Variants in SCHIP1 observed in about 807,000 individuals in gnomAD.
SCHIP1 encodes schwannomin-interacting protein 1.
A neutral mutation model predicts 29.7 loss-of-function variants in SCHIP1; 8 were observed. That is an observed-to-expected ratio of 0.27 (90% CI 0.16 to 0.49). The LOEUF (loss-of-function observed/expected upper bound fraction) is 0.49. Ranked by LOEUF, SCHIP1 falls within the 20% of genes least tolerant of loss-of-function variation. The pLI, the probability that SCHIP1 is intolerant of heterozygous loss-of-function variation, is 0.99. For synonymous variants in SCHIP1, 76 were observed against 94.9 expected (o/e 0.80, Z 1.16); for missense variants, 193 against 294.6 (o/e 0.66, Z 2.52).
the SCHIP1 span, among the ~76,000 whole-genome samples, chr3:159,300,526 C>T: frequency 0.021 from 3,127 of 152,254 alleles, 99 homozygotes; most frequent in African/African-American, 0.071. Flanking sequence ...TTCTGCTCCT[C>T]TCCTGCACCC....
the SCHIP1 span, chr3:159,273,995 C>T: frequency 6.6e-7 from 1 of 1,505,440 alleles, no homozygotes; most frequent in Non-Finnish European, 8.9e-7. Context: ...TGATGGCCTT[C>T]ATTACATTTT....
the SCHIP1 span, among the ~76,000 whole-genome samples, chr3:159,803,280 A>G: frequency 6.6e-6 from 1 of 152,178 alleles, no homozygotes; most frequent in South Asian, 2.1e-4. Context: ...CCATAGAAAG[A>G]ATCAATGAAA....
At chr3:159,320,758 G>T in the SCHIP1 span, among the ~76,000 whole-genome samples, 1 of 151,648 alleles carries the variant, frequency 6.6e-6, no homozygotes, top group Non-Finnish European at 1.5e-5. Flanking sequence ...AAACAAGTGT[G>T]CACCACGCAG....
At chr3:159,537,804 G>T in the SCHIP1 span, among the ~76,000 whole-genome samples, 1 of 152,104 alleles carries the variant, frequency 6.6e-6, no homozygotes, top group Non-Finnish European at 1.5e-5. Context: ...TTTTCAAGGG[G>T]CTTGGAAGAA....
At chr3:159,351,027 C>T in the SCHIP1 span, among the ~76,000 whole-genome samples, 1 of 152,054 alleles carries the variant, frequency 6.6e-6, no homozygotes, top group Non-Finnish European at 1.5e-5. Context: ...TATATCTGCA[C>T]AGTATTTTGA....
chr3:159,343,096 T>G, the SCHIP1 span, among the ~76,000 whole-genome samples: 1 of 152,190 alleles, frequency 6.6e-6, no homozygotes, highest in Non-Finnish European at 1.5e-5. Flanking sequence ...ACCCTCATAA[T>G]ACGCTATGAA....
At chr3:159,576,177 GA>G in the SCHIP1 span, among the ~76,000 whole-genome samples, 1 of 152,112 alleles carries the variant, frequency 6.6e-6, no homozygotes. Flanking sequence ...ATCCTGATTT[GA>G]TTACACATCA....
chr3:159,839,379 A>C (rs978874328), upstream of SCHIP1, among the ~76,000 whole-genome samples: 4 of 152,066 alleles, frequency 2.6e-5, no homozygotes, highest in Non-Finnish European at 5.9e-5. Context: ...CTCCCTAAAA[A>C]AACTTATAAC....
the SCHIP1 span, among the ~76,000 whole-genome samples, chr3:159,797,973 G>A: frequency 6.6e-6 from 1 of 152,202 alleles, no homozygotes; most frequent in South Asian, 2.1e-4. Context: ...GCTTCCTTAT[G>A]CCAGCTAAAA....
chr3:159,706,895 C>A, the SCHIP1 span, among the ~76,000 whole-genome samples: 3 of 152,172 alleles, frequency 2.0e-5, no homozygotes, highest in African/African-American at 4.8e-5. Flanking sequence ...ACAAAGGATT[C>A]ATTTTATCAG....
the SCHIP1 span, among the ~76,000 whole-genome samples, chr3:159,743,540 G>A: frequency 2.0e-5 from 3 of 152,302 alleles, no homozygotes; most frequent in South Asian, 6.2e-4. Context: ...TACAGAGTTA[G>A]AGAACAGATT....
chr3:159,704,916 CTTTCTTTCTTTCTTTCTTTCTTTCCTTT>C, the SCHIP1 span, among the ~76,000 whole-genome samples: 27 of 94,938 alleles, frequency 2.8e-4, no homozygotes, highest in Admixed American at 1.1e-3. Flanking sequence ...TTATTTCTTT[CTTTCTTTCTTTCTTTCTTTCTTTCCTTT>C]CTTTCTTTCT....
the SCHIP1 span, among the ~76,000 whole-genome samples, chr3:159,533,613 C>G: frequency 6.1e-3 from 922 of 152,200 alleles, 12 homozygotes; most frequent in African/African-American, 0.021. Context: ...CAAGCCATCT[C>G]ACTGCTCTGT....
At chr3:159,554,981 A>G in the SCHIP1 span, among the ~76,000 whole-genome samples, 4 of 152,132 alleles carry the variant, frequency 2.6e-5, no homozygotes, top group East Asian at 7.7e-4. Context: ...ACATGGATAC[A>G]TTGTCTAATG....
chr3:159,540,463 C>A, the SCHIP1 span, among the ~76,000 whole-genome samples: 1 of 151,878 alleles, frequency 6.6e-6, no homozygotes, highest in African/African-American at 2.4e-5. Context: ...TATTTTTAAC[C>A]CCATATGAAT....
chr3:159,864,019 C>A (rs1714341968), intron 1 of SCHIP1, among the ~76,000 whole-genome samples: 1 of 152,106 alleles, frequency 6.6e-6, no homozygotes, highest in Non-Finnish European at 1.5e-5. Context: ...ATGTTGCTAT[C>A]TACTGATTTT....
the SCHIP1 span, among the ~76,000 whole-genome samples, chr3:159,758,805 A>C: frequency 1.3e-5 from 2 of 152,210 alleles, no homozygotes; most frequent in African/African-American, 4.8e-5. Context: ...TACAGGGCAC[A>C]ATCTGTGCAA....
chr3:159,341,576 G>A, the SCHIP1 span, among the ~76,000 whole-genome samples: 1 of 152,196 alleles, frequency 6.6e-6, no homozygotes, highest in African/African-American at 2.4e-5. Flanking sequence ...TAAGTGTTGG[G>A]CTAGCTTCTT....
the SCHIP1 span, among the ~76,000 whole-genome samples, chr3:159,428,608 C>A: frequency 1.3e-5 from 2 of 150,648 alleles, 1 homozygote; most frequent in African/African-American, 4.9e-5. Flanking sequence ...GGACTGTAAA[C>A]TAGTTCAACC....
Sources: allele counts gnomAD v4.1 joint callset (sites outside exome capture counted in the v4.1 genomes callset), GRCh38; gene constraint gnomAD v4.1.1; transcripts MANE v1.5; gene names NCBI Gene and HGNC (gene_info 2026-07-23, HGNC 2026-07-21).